Variants in BTBD9 observed in about 807,000 individuals in gnomAD.
BTBD9 encodes the protein BTB domain containing 9.
A neutral mutation model predicts 64.3 loss-of-function variants in BTBD9; 49 were observed. The observed-to-expected ratio is 0.76, with a 90% CI of 0.61 to 0.97. The LOEUF is 0.97. Ranked by LOEUF, BTBD9 falls within the 50% of genes least tolerant of loss-of-function variation. BTBD9 has a pLI of 0.00. For missense variants in BTBD9, 598 were observed against 762.1 expected, an observed-to-expected ratio of 0.78 and a Z score of 2.53; for synonymous variants, 260 against 274.7, an observed-to-expected ratio of 0.95 and a Z score of 0.53.
intron 8 of BTBD9, among the ~76,000 whole-genome samples, chr6:38,260,385 T>A (rs527591063): frequency 6.6e-6 from 1 of 152,360 alleles, no homozygotes; most frequent in Admixed American, 6.5e-5. Flanking sequence ...AGGTTTATCA[T>A]ATTCCCTATC....
chr6:38,452,887 A>G (rs1769620829), intron 6 of BTBD9, among the ~76,000 whole-genome samples: 1 of 152,142 alleles, frequency 6.6e-6, no homozygotes, highest in Admixed American at 6.5e-5. Context: ...TGATACGGAA[A>G]CTGAGGAAAA....
chr6:38,623,319 T>C (rs181197997), intron 1 of BTBD9, among the ~76,000 whole-genome samples: 81 of 152,280 alleles, frequency 5.3e-4, no homozygotes, highest in African/African-American at 1.6e-3. Flanking sequence ...CACAGGGCCA[T>C]ACAACTAATA....
At chr6:38,266,677 A>G (rs1299188295) in intron 8 of BTBD9, among the ~76,000 whole-genome samples, 1 of 140,146 alleles carries the variant, frequency 7.1e-6, no homozygotes, top group African/African-American at 2.9e-5. Context: ...AAAGAAAGAA[A>G]GAAGAAAAAG....
intron 6 of BTBD9, among the ~76,000 whole-genome samples, chr6:38,477,351 C>G (rs1476978123): frequency 6.6e-6 from 1 of 152,198 alleles, no homozygotes; most frequent in Non-Finnish European, 1.5e-5. Context: ...TATGTGCTAG[C>G]TGTAACATCG....
intron 1 of BTBD9, among the ~76,000 whole-genome samples, chr6:38,610,657 T>G (rs1160003626): frequency 6.6e-6 from 1 of 152,126 alleles, no homozygotes; most frequent in African/African-American, 2.4e-5. Context: ...GCAGATCATT[T>G]TAAGTCCCTT....
intron 6 of BTBD9, among the ~76,000 whole-genome samples, chr6:38,450,342 AC>A (rs1769470641): frequency 6.6e-6 from 1 of 152,208 alleles, no homozygotes; most frequent in Non-Finnish European, 1.5e-5. Context: ...CAAGAGATCT[AC>A]TGTACAGTAC....
chr6:38,353,439 TAGAG>T (rs576341596), intron 6 of BTBD9, among the ~76,000 whole-genome samples: 2 of 151,252 alleles, frequency 1.3e-5, no homozygotes, highest in Non-Finnish European at 3.0e-5. Flanking sequence ...GGGAGGGGGA[TAGAG>T]AAAGAGAGGA....
intron 9 of BTBD9, among the ~76,000 whole-genome samples, chr6:38,225,015 G>T (rs1363962542): frequency 6.6e-6 from 1 of 152,236 alleles, no homozygotes; most frequent in Admixed American, 6.5e-5. Context: ...GGTAGATGGT[G>T]AATGTGGGTC....
chr6:38,489,900 G>A (rs1771626017), intron 6 of BTBD9, among the ~76,000 whole-genome samples: 1 of 152,126 alleles, frequency 6.6e-6, no homozygotes, highest in Non-Finnish European at 1.5e-5. Flanking sequence ...CACAAATATT[G>A]TATGTTTCCC....
At chr6:38,214,007 C>A (rs202038882) in intron 9 of BTBD9, among the ~76,000 whole-genome samples, 2 of 48,834 alleles carry the variant, frequency 4.1e-5, no homozygotes, top group East Asian at 1.2e-3. Context: ...AATAAACAAA[C>A]AAAAATAATA....
At chr6:38,334,299 T>G (rs1763794819) in intron 7 of BTBD9, among the ~76,000 whole-genome samples, 1 of 152,142 alleles carries the variant, frequency 6.6e-6, no homozygotes, top group African/African-American at 2.4e-5. Flanking sequence ...TGGTGGCTCA[T>G]GCCTGTAATC....
intron 6 of BTBD9, among the ~76,000 whole-genome samples, chr6:38,502,791 T>C (rs1023930406): frequency 6.6e-6 from 1 of 152,080 alleles, no homozygotes; most frequent in African/African-American, 2.4e-5. Flanking sequence ...AAAATGACCA[T>C]ACTTGTGCAA....
At chr6:38,468,732 C>T (rs564383552) in intron 6 of BTBD9, among the ~76,000 whole-genome samples, 94 of 152,128 alleles carry the variant, frequency 6.2e-4, no homozygotes, top group African/African-American at 2.1e-3. Flanking sequence ...TAGAGTATAC[C>T]CAGAAAAGAT....
rs1051602784 is a variant in BTBD9, at chr6:38,467,900, G to T, written c.1154+109700C>A. 4.6e-5 allele frequency among the ~76,000 whole-genome samples: 7 copies of T among 152,072 alleles called. No individual in the cohort carries two copies. In the South Asian group the frequency reaches 8.3e-4, roughly 18 times the overall value. ...TTTCTTTCATCTTTCCAAGTTCAGT[G>T]CCTCGTTATCATAGCTTACTTTTTT... On this transcript the variant is annotated intron_variant, in intron 6 of 10. Coordinates refer to ENST00000481247, the MANE Select transcript of BTBD9 (RefSeq NM_001099272.2).
chr6:38,259,284 T>C (rs1764712661), intron 8 of BTBD9, among the ~76,000 whole-genome samples: 4 of 152,228 alleles, frequency 2.6e-5, no homozygotes, highest in Non-Finnish European at 5.9e-5. Context: ...TCCCTTAATC[T>C]TATGATTATA....
chr6:38,585,813 A>G (rs1776489599), intron 4 of BTBD9, among the ~76,000 whole-genome samples: 1 of 152,146 alleles, frequency 6.6e-6, no homozygotes, highest in Admixed American at 6.5e-5. Context: ...ACATAATTAC[A>G]TTGTTCAAAA....
intron 6 of BTBD9, among the ~76,000 whole-genome samples, chr6:38,565,796 T>C (rs1462605217): frequency 6.6e-6 from 1 of 152,202 alleles, no homozygotes; most frequent in Non-Finnish European, 1.5e-5. Flanking sequence ...ACCTTGCTTG[T>C]TTAGAGATAA....
intron 9 of BTBD9, among the ~76,000 whole-genome samples, chr6:38,246,420 C>G (rs1260221374): frequency 6.6e-6 from 1 of 151,984 alleles, no homozygotes; most frequent in Non-Finnish European, 1.5e-5. Flanking sequence ...ATCATTAACA[C>G]AAGGATCTGC....
intron 6 of BTBD9, among the ~76,000 whole-genome samples, chr6:38,527,107 T>C (rs1773534924): frequency 6.6e-6 from 1 of 151,310 alleles, no homozygotes; most frequent in Non-Finnish European, 1.5e-5. Context: ...AAACCCCATC[T>C]CTACTAAAAA....
Sources: gnomAD v4.1 joint callset for allele counts (sites outside exome capture counted in the v4.1 genomes callset) on GRCh38, gnomAD v4.1.1 for gene constraint, MANE v1.5 for transcripts, NCBI Gene and HGNC (gene_info 2026-07-23, HGNC 2026-07-21) for gene names.